The following LRRC7 variants were observed in gnomAD, a reference collection of about 807,000 sequenced individuals.
The protein encoded by LRRC7 is leucine-rich repeat-containing protein 7.
Under a neutral mutation model 175.7 loss-of-function variants are expected in LRRC7, and 23 were observed. That is an observed-to-expected ratio of 0.13 (90% CI 0.09 to 0.19). LRRC7 has a LOEUF of 0.19. Among genes scored for constraint, LRRC7 ranks in the 10% least tolerant of loss-of-function variants. The probability of loss-of-function intolerance (pLI) is 1.00; values close to 1 mark genes in which losing one functional copy is unlikely to be tolerated. For missense variants in LRRC7, 1,354 were observed against 1,904.7 expected (o/e 0.71, Z 5.38); for synonymous variants, 685 against 680.9 (o/e 1.01, Z -0.09).
At chr1:69,956,702 A>G (rs1650526133) in intron 8 of LRRC7, among the ~76,000 whole-genome samples, 1 of 151,786 alleles carries the variant, frequency 6.6e-6, no homozygotes, top group Non-Finnish European at 1.5e-5. Flanking sequence ...ATTAGAATGT[A>G]TTGTAAAAAT....
chr1:69,904,599 A>G (rs1360441933), intron 7 of LRRC7, among the ~76,000 whole-genome samples: 1 of 152,158 alleles, frequency 6.6e-6, no homozygotes, highest in Non-Finnish European at 1.5e-5. Flanking sequence ...ATGCAAATAT[A>G]TTGCTATATA....
chr1:69,678,498 T>A lies in LRRC7; in HGVS notation c.100+20T>A. 1.3e-6 allele frequency: 2 copies of A among 1,554,174 alleles called. No individual in the cohort carries two copies. The highest frequency in any genetic ancestry group is 2.7e-5 in the African/African-American group (2 of 73,780). ...AGGAGTGTAAGTATGTTTAATAGGA[T>A]TACCTGTGTTCTAGATAGATTTTGG... is the stretch of plus-strand genomic sequence containing the variant. On this transcript the variant is annotated intron_variant, in intron 2 of 26. Coordinates refer to ENST00000651989, the MANE Select transcript of LRRC7 (RefSeq NM_001370785.2).
rs142917363 is a variant in LRRC7 at position 69,993,178 on chromosome 1, G to A, written c.932-1383G>A. ...TTCAATCACCTTTTGAACATAGATG[G>A]ATATGGCAGTGGATTTTCAAACTTC... On this transcript the variant is annotated intron_variant, in intron 10 of 26. Transcript: ENST00000651989. Among the ~76,000 whole-genome samples, 334 of 152,226 alleles carry A rather than the reference G, an allele frequency of 2.2e-3. 3 individuals carry two copies. The highest frequency in any genetic ancestry group is 6.5e-4 in the Non-Finnish European group (44 of 68,010).
At position 70,142,534 on chromosome 1, in the gene LRRC7, A is replaced by G. The variant is rs544573398; in HGVS notation, c.*20647A>G. 10 of 152,250 alleles carry G rather than the reference A, an allele frequency of 6.6e-5. No individual in the cohort carries two copies. Among genetic ancestry groups the G allele is most frequent in the Middle Eastern group, 3.4e-3 (1 of 294 alleles). The allele number at this position is 152,250 out of a possible 1,614,324, so 9.4% of individuals were successfully genotyped here. A position where few individuals can be genotyped will look rare whatever the true frequency, so the allele number is the denominator to read the frequency against. On this transcript the variant is annotated 3_prime_UTR_variant, in exon 27 of 27. Coordinates refer to ENST00000651989, the MANE Select transcript of LRRC7 (RefSeq NM_001370785.2). ...CTCAGTAGGGACTAAAGGAAGCTTAAGGATAATGACATTGTCTTCATATGA... is the reference window on the plus strand; with the variant it reads ...CTCAGTAGGGACTAAAGGAAGCTTAGGGATAATGACATTGTCTTCATATGA...
intron 1 of LRRC7, among the ~76,000 whole-genome samples, chr1:69,670,606 C>T (rs1557576436): frequency 6.6e-6 from 1 of 152,138 alleles, no homozygotes; most frequent in African/African-American, 2.4e-5. Flanking sequence ...TGGCAAGTTC[C>T]CCCTGGCCCC....
At chr1:69,653,825 T>G (rs1297114889) in intron 1 of LRRC7, among the ~76,000 whole-genome samples, 5 of 152,052 alleles carry the variant, frequency 3.3e-5, no homozygotes, top group African/African-American at 1.2e-4. Context: ...GGATGAACTT[T>G]GAGGATGTTA....
At chr1:69,574,140 A>G (rs1471316450) in intron 1 of LRRC7, among the ~76,000 whole-genome samples, 1 of 152,118 alleles carries the variant, frequency 6.6e-6, no homozygotes, top group Non-Finnish European at 1.5e-5. Flanking sequence ...GGAGATATTT[A>G]AATGTTGTAG....
At chr1:69,715,766 T>A (rs1022970241) in intron 2 of LRRC7, among the ~76,000 whole-genome samples, 2 of 151,990 alleles carry the variant, frequency 1.3e-5, no homozygotes, top group Admixed American at 6.6e-5. Flanking sequence ...AAATATTTTT[T>A]AAATTTTTTT....
chr1:69,866,031 G>A (rs568312175), intron 7 of LRRC7, among the ~76,000 whole-genome samples: 1 of 152,284 alleles, frequency 6.6e-6, no homozygotes, highest in South Asian at 2.1e-4. Flanking sequence ...TGGGCAAGAT[G>A]AAACATTCTC....
At chr1:69,787,967 GCCTT>G (rs779183720) in intron 3 of LRRC7, among the ~76,000 whole-genome samples, 1 of 150,958 alleles carries the variant, frequency 6.6e-6, no homozygotes, top group East Asian at 1.9e-4. Flanking sequence ...CCTCCTGCCT[GCCTT>G]CCTTCCTTCT....
intron 2 of LRRC7, among the ~76,000 whole-genome samples, chr1:69,711,735 GT>G (rs1664773915): frequency 6.6e-6 from 1 of 152,166 alleles, no homozygotes; most frequent in South Asian, 2.1e-4. Flanking sequence ...AGTGTCTAGA[GT>G]CATAAACACT....
At chr1:69,809,886 A>G (rs1677614280) in intron 4 of LRRC7, among the ~76,000 whole-genome samples, 1 of 151,984 alleles carries the variant, frequency 6.6e-6, no homozygotes, top group Non-Finnish European at 1.5e-5. Flanking sequence ...CTCTCTCACC[A>G]CTCCTATTCA....
At chr1:69,616,643 G>C (rs1345985461) in intron 1 of LRRC7, among the ~76,000 whole-genome samples, 1 of 152,024 alleles carries the variant, frequency 6.6e-6, no homozygotes, top group African/African-American at 2.4e-5. Flanking sequence ...ACTACTATTA[G>C]AAAATAAGTT....
chr1:69,626,978 G>A (rs1368672669), intron 1 of LRRC7, among the ~76,000 whole-genome samples: 1 of 152,008 alleles, frequency 6.6e-6, no homozygotes, highest in Admixed American at 6.6e-5. Flanking sequence ...TATCACTGAT[G>A]GACATTTGGG....
chr1:70,073,130 T>G (rs1662514282), intron 23 of LRRC7, among the ~76,000 whole-genome samples: 2 of 152,156 alleles, frequency 1.3e-5, no homozygotes, highest in South Asian at 4.1e-4. Context: ...TCTTTAACAC[T>G]ATTGTGAAGT....
chr1:69,609,245 C>G (rs1339858470), intron 1 of LRRC7, among the ~76,000 whole-genome samples: 1 of 151,740 alleles, frequency 6.6e-6, no homozygotes. Context: ...ATGATATACT[C>G]CAGTTATTTA....
intron 1 of LRRC7, among the ~76,000 whole-genome samples, chr1:69,632,025 T>A (rs2066296): frequency 4.1e-4 from 63 of 152,116 alleles, no homozygotes; most frequent in African/African-American, 1.5e-3. Flanking sequence ...CAATACAGCC[T>A]CTTTTTAAAT....
intron 1 of LRRC7, among the ~76,000 whole-genome samples, chr1:69,634,046 A>G (rs1285024529): frequency 6.6e-6 from 1 of 152,126 alleles, no homozygotes; most frequent in African/African-American, 2.4e-5. Context: ...ACTCACTTAT[A>G]CTTAGTGACA....
At chr1:70,063,573 T>C (rs1347506644) in intron 23 of LRRC7, among the ~76,000 whole-genome samples, 1 of 152,088 alleles carries the variant, frequency 6.6e-6, no homozygotes. Context: ...TCAAGGATAG[T>C]TGCCAGATAG....
Sources: gnomAD v4.1 joint callset for allele counts (sites outside exome capture counted in the v4.1 genomes callset) on GRCh38, gnomAD v4.1.1 for gene constraint, MANE v1.5 for transcripts, NCBI Gene and HGNC (gene_info 2026-07-23, HGNC 2026-07-21) for gene names.